NKAIN2: variants seen among roughly 807,000 people sequenced by gnomAD.
The protein encoded by NKAIN2 is sodium/potassium transporting ATPase interacting 2.
NKAIN2 carries 14 observed loss-of-function variants against 32.6 expected under a neutral mutation model. The observed-to-expected ratio is 0.43, with a 90% confidence interval of 0.28 to 0.67. The LOEUF (loss-of-function observed/expected upper bound fraction) is 0.67. Among genes scored for constraint, NKAIN2 ranks in the 30% least tolerant of loss-of-function variants. The pLI, the probability that NKAIN2 is intolerant of heterozygous loss-of-function variation, is 0.17. For missense variants in NKAIN2, 198 were observed against 258.3 expected, an observed-to-expected ratio of 0.77 and a Z score of 1.60; for synonymous variants, 80 against 87.2, an observed-to-expected ratio of 0.92 and a Z score of 0.46.
intron 3 of NKAIN2, among the ~76,000 whole-genome samples, chr6:124,461,625 A>G (rs565369666): frequency 6.6e-6 from 1 of 151,974 alleles, no homozygotes; most frequent in East Asian, 1.9e-4. Context: ...TCATCATAGT[A>G]CTAGAATAAT....
chr6:124,637,334 G>T (rs79754694), intron 3 of NKAIN2, among the ~76,000 whole-genome samples: 2,393 of 151,942 alleles, frequency 0.016, 75 homozygotes, highest in African/African-American at 0.055. Flanking sequence ...ACTGAAACAA[G>T]ATATGAATGC....
At chr6:124,001,203 T>C (rs1779863803) in intron 1 of NKAIN2, among the ~76,000 whole-genome samples, 2 of 152,086 alleles carry the variant, frequency 1.3e-5, no homozygotes, top group Admixed American at 6.6e-5. Flanking sequence ...GTAAACTTTT[T>C]TTTTTTGGCT....
chr6:124,521,088 G>A (rs1779100913), intron 3 of NKAIN2, among the ~76,000 whole-genome samples: 1 of 152,110 alleles, frequency 6.6e-6, no homozygotes, highest in African/African-American at 2.4e-5. Flanking sequence ...TGCAAATAGA[G>A]TTTTATTTCC....
chr6:124,764,733 G>A (rs1182849892), intron 4 of NKAIN2, among the ~76,000 whole-genome samples: 2 of 152,024 alleles, frequency 1.3e-5, no homozygotes, highest in Admixed American at 6.6e-5. Context: ...CTTCCTAGAT[G>A]GCTTCTTATC....
intron 3 of NKAIN2, among the ~76,000 whole-genome samples, chr6:124,622,688 G>A (rs376780628): frequency 5.9e-5 from 9 of 152,180 alleles, no homozygotes; most frequent in African/African-American, 2.2e-4. Context: ...GGGTGGATGG[G>A]GAGCTGGAAG....
chr6:123,908,634 T>A (rs1775009748), intron 1 of NKAIN2, among the ~76,000 whole-genome samples: 1 of 152,168 alleles, frequency 6.6e-6, no homozygotes, highest in South Asian at 2.1e-4. Context: ...AAAATTGAAA[T>A]ACATTTTAAA....
chr6:124,584,737 C>G lies in NKAIN2; in HGVS notation c.274-73449C>G, dbSNP rs376909644. ...AACATCACTGATCATCAGAGAAATG[C>G]AAATAAAAACTACAATGGGATATCA... is the stretch of plus-strand genomic sequence containing the variant. On this transcript the variant is annotated intron_variant, in intron 3 of 6. Coordinates refer to ENST00000368417, the MANE Select transcript of NKAIN2 (RefSeq NM_001040214.3). Among the ~76,000 whole-genome samples, 56 of 151,084 alleles carry G rather than the reference C, an allele frequency of 3.7e-4. No individual in the cohort carries two copies. In the East Asian group the frequency reaches 5.1e-3, roughly 14 times the overall value.
chr6:124,437,547 T>G (rs552507198), intron 3 of NKAIN2, among the ~76,000 whole-genome samples: 1 of 152,290 alleles, frequency 6.6e-6, no homozygotes, highest in African/African-American at 2.4e-5. Context: ...CCTGCTTCTC[T>G]TTCTTCTGTC....
In NKAIN2 at chr6:124,748,329, G is replaced by A. The variant is rs560031300; in HGVS notation, c.475-43010G>A. 3.9e-5 allele frequency among the ~76,000 whole-genome samples: 6 copies of A among 152,040 alleles called. 1 individual carries two copies. Among genetic ancestry groups the A allele is most frequent in the Admixed American group, 2.6e-4 (4 of 15,234 alleles). On this transcript the variant is annotated intron_variant, in intron 4 of 6. Transcript: ENST00000368417. ...TGGAGGCACTCAGTAAGTATTTATTGAATGAATAAGTCAATGAATAAGTGA... is the reference window on the plus strand; with the variant it reads ...TGGAGGCACTCAGTAAGTATTTATTAAATGAATAAGTCAATGAATAAGTGA...
intron 3 of NKAIN2, among the ~76,000 whole-genome samples, chr6:124,540,451 T>G (rs1378479701): frequency 1.3e-5 from 2 of 152,256 alleles, no homozygotes; most frequent in Non-Finnish European, 2.9e-5. Context: ...TAATTTTGCG[T>G]ATCTGTAATG....
At chr6:124,340,917 ATGAG>A (rs1048710210) in intron 2 of NKAIN2, among the ~76,000 whole-genome samples, 6 of 152,146 alleles carry the variant, frequency 3.9e-5, no homozygotes, top group African/African-American at 1.4e-4. Context: ...TTCATGCTGA[ATGAG>A]TATTATTTTT....
chr6:124,065,329 G>A (rs887403319), intron 1 of NKAIN2, among the ~76,000 whole-genome samples: 1 of 151,792 alleles, frequency 6.6e-6, no homozygotes, highest in Non-Finnish European at 1.5e-5. Context: ...TGACATGCAC[G>A]CACTGCAGTT....
intron 3 of NKAIN2, among the ~76,000 whole-genome samples, chr6:124,400,726 C>T (rs1264357204): frequency 6.6e-6 from 1 of 152,122 alleles, no homozygotes; most frequent in Non-Finnish European, 1.5e-5. Flanking sequence ...TTTCACACTT[C>T]AAACAGAAGT....
chr6:123,899,499 A>C (rs183986529), intron 1 of NKAIN2, among the ~76,000 whole-genome samples: 64 of 152,288 alleles, frequency 4.2e-4, no homozygotes, highest in Admixed American at 4.1e-3. Flanking sequence ...TAGGATTGAT[A>C]ATTTACCTCA....
intron 5 of NKAIN2, among the ~76,000 whole-genome samples, chr6:124,806,249 G>T (rs1254338594): frequency 9.2e-5 from 14 of 152,126 alleles, no homozygotes; most frequent in Non-Finnish European, 1.5e-5. Flanking sequence ...GAAAGATCGG[G>T]TTACACACAA....
chr6:124,142,192 A>G (rs1298013138), intron 1 of NKAIN2, among the ~76,000 whole-genome samples: 3 of 152,122 alleles, frequency 2.0e-5, no homozygotes, highest in African/African-American at 4.8e-5. Flanking sequence ...AGCAGAAATC[A>G]TCTTTGTTCC....
chr6:124,776,739 T>C (rs1778999908), intron 4 of NKAIN2, among the ~76,000 whole-genome samples: 1 of 152,216 alleles, frequency 6.6e-6, no homozygotes, highest in African/African-American at 2.4e-5. Context: ...TTCTAAGAGA[T>C]AAAAGTATGG....
At chr6:124,173,516 G>A (rs1255825371) in intron 1 of NKAIN2, among the ~76,000 whole-genome samples, 1 of 152,016 alleles carries the variant, frequency 6.6e-6, no homozygotes, top group African/African-American at 2.4e-5. Context: ...CATAAAAAAT[G>A]CAAAGCTGAT....
chr6:124,433,831 G>A (rs901338974), intron 3 of NKAIN2, among the ~76,000 whole-genome samples: 2 of 152,078 alleles, frequency 1.3e-5, no homozygotes, highest in Admixed American at 6.6e-5. Context: ...TTCTATCCAC[G>A]TGCACCTCTT....
Sources: gnomAD v4.1 joint callset for allele counts (sites outside exome capture counted in the v4.1 genomes callset) on GRCh38, gnomAD v4.1.1 for gene constraint, MANE v1.5 for transcripts, NCBI Gene and HGNC (gene_info 2026-07-23, HGNC 2026-07-21) for gene names.